The following REV3L variants were observed in gnomAD, a reference collection of about 807,000 sequenced individuals.
REV3L encodes the protein REV3 like, DNA directed polymerase zeta catalytic subunit, also known as DNA polymerase zeta catalytic subunit.
REV3L carries 69 observed loss-of-function variants against 299.4 expected under a neutral mutation model. The ratio of observed to expected loss-of-function variants is 0.23; its 90% confidence interval spans 0.19 to 0.28. The LOEUF (loss-of-function observed/expected upper bound fraction) is 0.28, where lower values mean the gene tolerates loss of function less well. Among genes scored for constraint, REV3L ranks in the 10% least tolerant of loss-of-function variants. REV3L has a pLI of 1.00. For synonymous variants in REV3L, 1,238 were observed against 1,271.4 expected, an observed-to-expected ratio of 0.97 and a Z score of 0.56; for missense variants, 3,128 against 3,693.8, an observed-to-expected ratio of 0.85 and a Z score of 3.97.
chr6:111,329,561 T>C lies in REV3L; in HGVS notation c.8212A>G (p.Asn2738Asp). ...ANVTFGYTSANFSGRMPCIEV... is the reference protein window; with the variant it reads ...ANVTFGYTSADFSGRMPCIEV... ...ATGCATGGCATTCTCCCAGAAAAAT[T>C]AGCAGATGTATAGCCAAATGTGACA... The change falls in exon 25 of 32, where the codon AAT becomes GAT. Residue 2738 changes from asparagine to aspartate, a missense_variant. Asn to Asp is a conservative substitution (Grantham distance 23). Around this residue, in one of 9 missense-constraint regions of REV3L, gnomAD observed 53 missense variants for 57.4 expected, o/e 0.92. Coordinates refer to ENST00000368802, the MANE Select transcript of REV3L (RefSeq NM_001372078.1). The C allele has an allele frequency of 2.5e-6, 4 of 1,614,150 alleles. No individual in the cohort carries two copies. The highest frequency in any genetic ancestry group is 1.1e-5 in the South Asian group (1 of 91,080).
At chr6:111,420,876 T>G (rs1315744950) in intron 1 of REV3L, among the ~76,000 whole-genome samples, 1 of 152,196 alleles carries the variant, frequency 6.6e-6, no homozygotes, top group Admixed American at 6.5e-5. Context: ...GCATGGTGGC[T>G]CACGCCTGTA....
In REV3L at chr6:111,374,339, G is replaced by C. The variant is rs772978369; in HGVS notation, c.4016C>G (p.Pro1339Arg). 1 of 1,613,856 alleles carries C rather than the reference G, an allele frequency of 6.2e-7. No homozygotes were observed. Among genetic ancestry groups the C allele is most frequent in the Non-Finnish European group, 8.5e-7 (1 of 1,179,902 alleles). ...PGVSKINVQR[P>R]HNQSAMFTLK... is the part of the protein sequence containing the mutation. ...AGTAAACATAGCACTTTGATTATGAGGCCTTTGAACATTAATTTTTGAGAC... is the reference window on the plus strand; with the variant it reads ...AGTAAACATAGCACTTTGATTATGACGCCTTTGAACATTAATTTTTGAGAC... Residue 1339 changes from proline (P) to arginine (R), a missense_variant, in exon 13 of 32, where the codon CCT becomes CGT. Physicochemically the swap from Pro to Arg is moderately radical, Grantham distance 103. Around this residue, in one of 9 missense-constraint regions of REV3L, gnomAD observed 2,409 missense variants for 2,611.8 expected, o/e 0.92. Coordinates refer to ENST00000368802, the MANE Select transcript of REV3L (RefSeq NM_001372078.1).
chr6:111,434,780 G>C (rs1562307188), intron 1 of REV3L, among the ~76,000 whole-genome samples: 1 of 151,720 alleles, frequency 6.6e-6, no homozygotes, highest in African/African-American at 2.4e-5. Context: ...AAATATCTAA[G>C]AATCAATCCA....
At chr6:111,342,982 G>A (rs1048248168) in intron 21 of REV3L, among the ~76,000 whole-genome samples, 5 of 152,108 alleles carry the variant, frequency 3.3e-5, no homozygotes, top group Admixed American at 2.6e-4. Context: ...ATATAAACAA[G>A]GGCTAAGATA....
At chr6:111,317,101 GGAT>G (rs762225222) in intron 26 of REV3L, among the ~76,000 whole-genome samples, 8 of 152,100 alleles carry the variant, frequency 5.3e-5, no homozygotes, top group East Asian at 1.9e-4. Context: ...TAGTGGAAAT[GGAT>G]GATATCTTGA....
Position 111,405,422 on chromosome 6 carries a change from A to G in REV3L, c.565+48T>C. ...TCACTGACTATATAACACTTGTTTC[A>G]AAACTTTAATTTGACAAAAATTTAA... is the stretch of plus-strand genomic sequence containing the variant. On this transcript the variant is annotated intron_variant, in intron 4 of 31. Coordinates refer to ENST00000368802, the MANE Select transcript of REV3L (RefSeq NM_001372078.1). 2.1e-6 allele frequency: 3 copies of G among 1,447,620 alleles called. No homozygotes were observed. The Middle Eastern group carries it at 5.3e-4, about 258-fold the overall frequency. The allele number at this position is 1,447,620 out of a possible 1,614,324, so 89.7% of individuals were successfully genotyped here. A position where few individuals can be genotyped will look rare whatever the true frequency, so the allele number is the denominator to read the frequency against.
chr6:111,423,595 C>T (rs1785826828), intron 1 of REV3L, among the ~76,000 whole-genome samples: 1 of 152,028 alleles, frequency 6.6e-6, no homozygotes, highest in Non-Finnish European at 1.5e-5. Flanking sequence ...CATGCATGTA[C>T]TAATGACCTG....
intron 23 of REV3L, among the ~76,000 whole-genome samples, chr6:111,332,229 A>G (rs1338173364): frequency 1.3e-5 from 2 of 151,700 alleles, no homozygotes; most frequent in African/African-American, 2.4e-5. Flanking sequence ...CTGCCACCAT[A>G]CCCGGCTAAT....
intron 1 of REV3L, chr6:111,430,596 G>C: frequency 2.0e-6 from 3 of 1,536,330 alleles, no homozygotes; most frequent in Non-Finnish European, 2.7e-6. Context: ...AAAGCAGGAA[G>C]ACAGAACAGA....
intron 9 of REV3L, 103 bp from the exon 10 acceptor site, chr6:111,381,547 T>C: frequency 1.0e-6 from 1 of 974,608 alleles, no homozygotes; most frequent in East Asian, 2.6e-5. Context: ...ATAAACCTAT[T>C]TTAAATTTCA....
At chr6:111,380,243 C>A (rs1451712779) in intron 10 of REV3L, 24 bp from the exon 11 acceptor site, 1 of 1,502,036 alleles carries the variant, frequency 6.7e-7, no homozygotes, top group Admixed American at 1.9e-5. Context: ...ACAATAATCA[C>A]CAACAAATAA....
At chr6:111,352,029 T>TG (rs1777622331) in intron 18 of REV3L, among the ~76,000 whole-genome samples, 1 of 151,482 alleles carries the variant, frequency 6.6e-6, no homozygotes, top group African/African-American at 2.4e-5. Context: ...TTTTTTGAGA[T>TG]GGGGTCTCAC....
chr6:111,390,045 T>C (rs1781756448), intron 6 of REV3L, 41 bp downstream of exon 6: 1 of 1,424,314 alleles, frequency 7.0e-7, no homozygotes, highest in African/African-American at 1.4e-5. Flanking sequence ...TCATTAATTT[T>C]AAAAAATAAA....
Position 111,358,871 on chromosome 6 carries a change from T to C in REV3L, c.7023A>G (p.Glu2341=). Residue 2341 remains glutamate, a synonymous_variant, in exon 17 of 32, where the codon GAA becomes GAG. Coordinates refer to ENST00000368802, the MANE Select transcript of REV3L (RefSeq NM_001372078.1). ...DTPLPDTEKT[E]LTGVIVIDKD... ...TATCAATCACTATTACACCTGTGAGTTCTGTTTTTTCTGTATCTGGCAGTG... is the reference window on the plus strand; with the variant it reads ...TATCAATCACTATTACACCTGTGAGCTCTGTTTTTTCTGTATCTGGCAGTG... 6.2e-7 allele frequency: 1 copy of C among 1,614,064 alleles called. No homozygotes were observed. Among genetic ancestry groups the C allele is most frequent in the Non-Finnish European group, 8.5e-7 (1 of 1,179,966 alleles).
At chr6:111,453,941 A>G (rs1159981850) in intron 1 of REV3L, among the ~76,000 whole-genome samples, 1 of 152,186 alleles carries the variant, frequency 6.6e-6, no homozygotes, top group Non-Finnish European at 1.5e-5. Context: ...TGCTAAGATC[A>G]TGCCATTGCA....
rs755969783 is a variant in REV3L, at chr6:111,390,184, CAATTAA to C, written c.663-10_663-5del. The C allele has an allele frequency of 7.9e-5, 122 of 1,539,484 alleles. No individual in the cohort carries two copies. Among genetic ancestry groups the C allele is most frequent in the Non-Finnish European group, 1.1e-4 (120 of 1,113,762 alleles). On this transcript the variant is annotated splice_polypyrimidine_tract_variant and splice_region_variant and intron_variant, in intron 5 of 31. Coordinates refer to ENST00000368802, the MANE Select transcript of REV3L (RefSeq NM_001372078.1). ...AACACCTTCCAATATTAAAGAGCTGCAATTAAAGGATATAAAAAACATAATAATTAT... is the reference window on the plus strand; with the variant it reads ...AACACCTTCCAATATTAAAGAGCTGCAGGATATAAAAAACATAATAATTAT...
rs1771236075 is a variant in REV3L at position 111,299,440 on chromosome 6, T to C, written c.*576A>G. 1 of 152,612 alleles carries C rather than the reference T, an allele frequency of 6.6e-6. No individual in the cohort carries two copies. 9.5% of individuals were successfully genotyped at this position (152,612 alleles called of 1,614,324 possible). A position where few individuals can be genotyped will look rare whatever the true frequency, so the allele number is the denominator to read the frequency against. On this transcript the variant is annotated 3_prime_UTR_variant, in exon 32 of 32. Coordinates refer to ENST00000368802, the MANE Select transcript of REV3L (RefSeq NM_001372078.1). ...TGTTTCAAAATGCTACACGTGGTACTACTGTTTGCACAGTTTGATCAAAAT... is the reference window on the plus strand; with the variant it reads ...TGTTTCAAAATGCTACACGTGGTACCACTGTTTGCACAGTTTGATCAAAAT...
chr6:111,481,035 G>T (rs753971287), intron 1 of REV3L, among the ~76,000 whole-genome samples: 41 of 151,906 alleles, frequency 2.7e-4, no homozygotes, highest in Non-Finnish European at 5.3e-4. Flanking sequence ...TTCCACAAAC[G>T]AAACTTTCCT....
rs182697425 is a variant in REV3L, at chr6:111,310,116, A to G, written c.8796-17T>C. ...AGCATTTTCCTATTCGAATTCAAAG[A>G]AAAAAACCACACCCAAATACTGTTA... is the stretch of plus-strand genomic sequence containing the variant. On this transcript the variant is annotated splice_polypyrimidine_tract_variant and intron_variant, in intron 29 of 31. Transcript: ENST00000368802. 6.2e-4 allele frequency: 943 copies of G among 1,508,980 alleles called. 7 individuals are homozygous for G. The South Asian group carries it at 7.6e-3, about 12-fold the overall frequency. 93.5% of individuals were successfully genotyped at this position (1,508,980 alleles called of 1,614,324 possible). A position where few individuals can be genotyped will look rare whatever the true frequency, so the allele number is the denominator to read the frequency against.
Sources: allele counts gnomAD v4.1 joint callset (sites outside exome capture counted in the v4.1 genomes callset), GRCh38; gene constraint gnomAD v4.1.1; regional missense constraint gnomAD v4.1.1; transcripts MANE v1.5; gene names NCBI Gene and HGNC (gene_info 2026-07-23, HGNC 2026-07-21).